ADAM32: variants seen among roughly 807,000 people sequenced by gnomAD.
The protein encoded by ADAM32 is ADAM metallopeptidase domain 32, also known as disintegrin and metalloproteinase domain-containing protein 32.
A neutral mutation model predicts 114.9 loss-of-function variants in ADAM32; 89 were observed. That is an observed-to-expected ratio of 0.77 (90% CI 0.65 to 0.92). The LOEUF is 0.92. Among genes scored for constraint, ADAM32 ranks in the 40% least tolerant of loss-of-function variants. ADAM32 has a pLI of 0.00. For synonymous variants in ADAM32, 285 were observed against 307.5 expected (o/e 0.93, Z 0.77); for missense variants, 870 against 932.8 (o/e 0.93, Z 0.88).
rs548637235 is a variant in ADAM32, at chr8:39,126,438, G to A, written c.138+8273G>A. 3.3e-5 allele frequency among the ~76,000 whole-genome samples: 5 copies of A among 152,184 alleles called. 1 individual carries two copies. Among genetic ancestry groups the A allele is most frequent in the African/African-American group, 1.2e-4 (5 of 41,546 alleles). ...TAGGTATTTTATTCTTTCTGTAGCA[G>A]TTGTGAATGGGAGTTAATTGATGAC... On this transcript the variant is annotated intron_variant, in intron 2 of 24. Transcript: ENST00000379907.
chr8:39,119,484 A>T (rs1840507450), intron 2 of ADAM32, among the ~76,000 whole-genome samples: 1 of 152,206 alleles, frequency 6.6e-6, no homozygotes, highest in African/African-American at 2.4e-5. Flanking sequence ...AGTATTTTTC[A>T]TGAGCCTAAT....
At chr8:39,144,064 T>A (rs1433615525) in intron 3 of ADAM32, among the ~76,000 whole-genome samples, 1 of 152,216 alleles carries the variant, frequency 6.6e-6, no homozygotes, top group Non-Finnish European at 1.5e-5. Context: ...TGCTGATTGC[T>A]AAGACTGTGG....
intron 13 of ADAM32, among the ~76,000 whole-genome samples, chr8:39,222,601 C>T (rs970627742): frequency 6.6e-6 from 1 of 152,062 alleles, no homozygotes; most frequent in African/African-American, 2.4e-5. Flanking sequence ...AATAACACTT[C>T]TGTTTCCCTC....
In ADAM32 at chr8:39,165,066, T is replaced by A. The variant is rs199554191; in HGVS notation, c.703T>A (p.Ser235Thr). 1.6e-4 allele frequency: 257 copies of A among 1,609,108 alleles called. 2 individuals carry two copies. In the African/African-American group the frequency reaches 3.1e-3, roughly 20 times the overall value. ...ATTTAAAGTTACTATTGTGCTGTCATCATTGGAGTTATGGTCAGATGAAAA... is the reference window on the plus strand; with the variant it reads ...ATTTAAAGTTACTATTGTGCTGTCAACATTGGAGTTATGGTCAGATGAAAA... ...TQFKVTIVLS[S>T]LELWSDENKI... is the part of the protein sequence containing the mutation. The change falls in exon 9 of 25, where the codon TCA becomes ACA. Residue 235 changes from serine (S) to threonine (T), a missense_variant. Physicochemically the swap from Ser to Thr is moderately conservative, Grantham distance 58. Coordinates refer to ENST00000379907, the MANE Select transcript of ADAM32 (RefSeq NM_145004.7).
intron 11 of ADAM32, among the ~76,000 whole-genome samples, chr8:39,203,188 G>A (rs574642693): frequency 1.9e-4 from 29 of 152,258 alleles, no homozygotes; most frequent in African/African-American, 5.5e-4. Context: ...GGATATCCTT[G>A]TTAACTTTCT....
At chr8:39,238,572 C>T (rs568492548) in intron 16 of ADAM32, among the ~76,000 whole-genome samples, 35 of 152,200 alleles carry the variant, frequency 2.3e-4, no homozygotes, top group South Asian at 1.5e-3. Flanking sequence ...TGGATCCAAA[C>T]GAAGGAGAAA....
intron 10 of ADAM32, among the ~76,000 whole-genome samples, chr8:39,171,257 C>T (rs1204674007): frequency 6.6e-6 from 1 of 151,820 alleles, no homozygotes; most frequent in African/African-American, 2.4e-5. Context: ...TTCTAGTATT[C>T]GATAGCACAA....
chr8:39,185,144 A>G (rs1806139665), intron 10 of ADAM32, among the ~76,000 whole-genome samples: 1 of 152,112 alleles, frequency 6.6e-6, no homozygotes, highest in African/African-American at 2.4e-5. Flanking sequence ...GGGTGCCTGT[A>G]ATCTCAGCTA....
At chr8:39,183,848 A>AGT (rs1362052748) in intron 10 of ADAM32, among the ~76,000 whole-genome samples, 5 of 152,226 alleles carry the variant, frequency 3.3e-5, no homozygotes, top group Non-Finnish European at 5.9e-5. Context: ...CAGAAACAAT[A>AGT]GTGTGTGGTG....
At chr8:39,279,973 G>A (rs1275559833) in intron 22 of ADAM32, among the ~76,000 whole-genome samples, 1 of 152,204 alleles carries the variant, frequency 6.6e-6, no homozygotes, top group Non-Finnish European at 1.5e-5. Flanking sequence ...AGATTTGCGA[G>A]TAGTGGAACT....
At chr8:39,205,614 G>T (rs114041139) in intron 11 of ADAM32, among the ~76,000 whole-genome samples, 1 of 152,120 alleles carries the variant, frequency 6.6e-6, no homozygotes, top group African/African-American at 2.4e-5. Context: ...CACTTGGTGC[G>T]CTGCACCCAC....
chr8:39,258,212 T>G (rs1811785093), intron 19 of ADAM32, among the ~76,000 whole-genome samples: 1 of 151,940 alleles, frequency 6.6e-6, no homozygotes, highest in Non-Finnish European at 1.5e-5. Flanking sequence ...ACTTTTGGTT[T>G]CATTGTGGTC....
chr8:39,232,824 A>G (rs1242953474), intron 15 of ADAM32, among the ~76,000 whole-genome samples: 1 of 152,190 alleles, frequency 6.6e-6, no homozygotes, highest in Non-Finnish European at 1.5e-5. Context: ...AACTTCACAG[A>G]GCTTTTAAGA....
intron 11 of ADAM32, among the ~76,000 whole-genome samples, chr8:39,207,874 T>C (rs1807953298): frequency 1.3e-5 from 2 of 152,238 alleles, no homozygotes; most frequent in African/African-American, 4.8e-5. Context: ...GTCCTCCTGC[T>C]CCATTTATAT....
intron 12 of ADAM32, among the ~76,000 whole-genome samples, chr8:39,219,582 C>T (rs1010570012): frequency 2.0e-5 from 3 of 152,190 alleles, no homozygotes; most frequent in African/African-American, 4.8e-5. Context: ...CTGTGCTCTC[C>T]TCCCTGAGTC....
chr8:39,278,845 A>G (rs1378513770), intron 22 of ADAM32, among the ~76,000 whole-genome samples: 1 of 152,118 alleles, frequency 6.6e-6, no homozygotes, highest in Non-Finnish European at 1.5e-5. Flanking sequence ...TAAATGCCTG[A>G]ACATGCTTTT....
chr8:39,165,949 A>G (rs1804806853), intron 9 of ADAM32: 1 of 152,020 alleles, frequency 6.6e-6, no homozygotes, highest in African/African-American at 2.4e-5. Context: ...CTTGTTGATC[A>G]TTTGTATCTG....
At chr8:39,176,342 T>C (rs1156270009) in intron 10 of ADAM32, among the ~76,000 whole-genome samples, 1 of 152,244 alleles carries the variant, frequency 6.6e-6, no homozygotes, top group Admixed American at 6.5e-5. Context: ...AATTTCTCTC[T>C]TAACATGGCT....
At chr8:39,228,619 C>T (rs571697436) in intron 14 of ADAM32, among the ~76,000 whole-genome samples, 1 of 152,226 alleles carries the variant, frequency 6.6e-6, no homozygotes, top group African/African-American at 2.4e-5. Flanking sequence ...ATAACCTAAT[C>T]CAACAAAGAC....
Sources: allele counts gnomAD v4.1 joint callset (sites outside exome capture counted in the v4.1 genomes callset), GRCh38; gene constraint gnomAD v4.1.1; transcripts MANE v1.5; gene names NCBI Gene and HGNC (gene_info 2026-07-23, HGNC 2026-07-21).